Variants in PUS10 observed in about 807,000 individuals in gnomAD.
PUS10 encodes pseudouridine synthase 10, also known as tRNA pseudouridine synthase Pus10.
Under a neutral mutation model 75.0 loss-of-function variants are expected in PUS10, and 59 were observed. The observed-to-expected ratio is 0.79, with a 90% CI of 0.64 to 0.98. PUS10 has a LOEUF of 0.98. Among genes scored for constraint, PUS10 ranks in the 50% least tolerant of loss-of-function variants. The probability of loss-of-function intolerance (pLI) is 0.00; values close to 1 mark genes in which losing one functional copy is unlikely to be tolerated. For synonymous variants in PUS10, 219 were observed against 211.6 expected (o/e 1.03, Z -0.30); for missense variants, 650 against 614.4 (o/e 1.06, Z -0.61).
Position 60,942,354 on chromosome 2 carries a change from C to A in PUS10, c.*41G>T. On this transcript the variant is annotated 3_prime_UTR_variant, in exon 18 of 18. Transcript: ENST00000316752. The stretch of plus-strand genomic sequence containing the variant: ...GCATGTGCTCCATGGATGTCCACAT[C>A]ATGCCAGGAAAACCATACTCTTTGT... 6.3e-7 allele frequency: 1 copy of A among 1,585,538 alleles called. No homozygotes were observed. Among genetic ancestry groups the A allele is most frequent in the South Asian group, 1.1e-5 (1 of 90,486 alleles).
chr2:60,960,371 T>G, intron 11 of PUS10, 21 bp downstream of exon 11: 2 of 1,467,942 alleles, frequency 1.4e-6, no homozygotes, highest in Non-Finnish European at 9.0e-7. Flanking sequence ...GAAAGAAAAG[T>G]ATGAAGATCG....
At chr2:60,973,508 A>G (rs987905248) in intron 4 of PUS10, among the ~76,000 whole-genome samples, 1 of 152,246 alleles carries the variant, frequency 6.6e-6, no homozygotes, top group East Asian at 1.9e-4. Flanking sequence ...CACTCATGGC[A>G]GTGCTGACAC....
At position 60,941,019 on chromosome 2, in the gene PUS10, T is replaced by C. The variant is rs911718103; in HGVS notation, c.*1376A>G. ...AATCTTGGTATCTGTGATTTATGTT[T>C]AATATAGAGATGGGAAATGGTTAGT... On this transcript the variant is annotated 3_prime_UTR_variant, in exon 18 of 18. Transcript: ENST00000316752. The C allele has an allele frequency of 1.3e-5, 2 of 152,320 alleles. No individual in the cohort carries two copies. Among genetic ancestry groups the C allele is most frequent in the African/African-American group, 4.8e-5 (2 of 41,458 alleles). 9.4% of individuals were successfully genotyped at this position (152,320 alleles called of 1,614,324 possible). A position where few individuals can be genotyped will look rare whatever the true frequency, so the allele number is the denominator to read the frequency against.
Position 60,949,876 on chromosome 2 carries a change from C to T in PUS10, c.1309-1691G>A, listed in dbSNP as rs116479012. On this transcript the variant is annotated intron_variant, in intron 15 of 17. Transcript: ENST00000316752. ...CAAGCAATCCTCCTGCCTTGGCTTC[C>T]CAAAGTGTTGGGATTACAGACGTGA... Among the ~76,000 whole-genome samples, 1,215 of 152,278 alleles carry T rather than the reference C, an allele frequency of 8.0e-3. 8 individuals carry two copies. The highest frequency in any genetic ancestry group is 0.012 in the Non-Finnish European group (844 of 68,020).
At chr2:60,964,039 T>C (rs1676189855) in intron 8 of PUS10, among the ~76,000 whole-genome samples, 1 of 152,176 alleles carries the variant, frequency 6.6e-6, no homozygotes, top group African/African-American at 2.4e-5. Context: ...TCTCTTTAGT[T>C]CAGAAGGGTT....
At chr2:60,944,706 T>C (rs1272138438) in intron 17 of PUS10, among the ~76,000 whole-genome samples, 1 of 152,214 alleles carries the variant, frequency 6.6e-6, no homozygotes. Flanking sequence ...TTTAAAGTCT[T>C]TATAAAACGC....
intron 16 of PUS10, among the ~76,000 whole-genome samples, chr2:60,947,365 C>T (rs1030423688): frequency 2.6e-5 from 4 of 152,152 alleles, no homozygotes; most frequent in Non-Finnish European, 4.4e-5. Context: ...GTTGAAAAGA[C>T]CCAAATATGG....
chr2:60,960,302 C>G (rs1345602821), intron 11 of PUS10, 90 bp downstream of exon 11: 4 of 985,600 alleles, frequency 4.1e-6, no homozygotes, highest in Non-Finnish European at 5.6e-6. Context: ...TGTGATCGTG[C>G]TACTGCAATC....
chr2:60,948,069 G>A lies in PUS10; in HGVS notation c.1425C>T (p.Arg475=), dbSNP rs1245256532. The change falls in exon 16 of 18, where the codon CGC becomes CGT. Residue 475 remains arginine, a synonymous_variant. Transcript: ENST00000316752. ...ETQYVDEHHF[R]LHLKTQAGTY... ...TGCCAGCCTGAGTTTTCAAGTGGAG[G>A]CGGAAGTGGTGCTCATCCACGTACT... 8 of 1,614,012 alleles carry A rather than the reference G, an allele frequency of 5.0e-6. No individual in the cohort carries two copies. In the Admixed American group the frequency reaches 5.0e-5, roughly 10 times the overall value.
chr2:60,976,362 TGAGCTATAGA>T (rs1305225896), intron 4 of PUS10, among the ~76,000 whole-genome samples: 1 of 152,250 alleles, frequency 6.6e-6, no homozygotes, highest in Admixed American at 6.5e-5. Context: ...CAATGAAATC[TGAGCTATAGA>T]GAGCTATCTG....
chr2:60,947,497 T>C (rs1260132760), intron 16 of PUS10, among the ~76,000 whole-genome samples: 1 of 152,162 alleles, frequency 6.6e-6, no homozygotes, highest in African/African-American at 2.4e-5. Context: ...AAAGCTGACA[T>C]TGAACTGACT....
intron 12 of PUS10, 123 bp downstream of exon 12, chr2:60,954,895 C>T (rs1445607996): frequency 1.8e-6 from 1 of 546,778 alleles, no homozygotes; most frequent in Non-Finnish European, 3.1e-6. Flanking sequence ...AGCTTCCTCC[C>T]TTGGAGAAGC....
At chr2:60,970,505 T>TA (rs1019463005) in intron 5 of PUS10, among the ~76,000 whole-genome samples, 1 of 152,058 alleles carries the variant, frequency 6.6e-6, no homozygotes, top group South Asian at 2.1e-4. Context: ...TCTGGAGAAT[T>TA]AAAAAAAATT....
intron 15 of PUS10, 109 bp downstream of exon 15, chr2:60,952,888 G>A: frequency 1.6e-6 from 1 of 636,220 alleles, no homozygotes; most frequent in Non-Finnish European, 2.7e-6. Flanking sequence ...AGGTCTTGCT[G>A]ACCCCAAAGC....
chr2:60,981,257 T>G (rs1160720776), intron 4 of PUS10, among the ~76,000 whole-genome samples: 4 of 151,998 alleles, frequency 2.6e-5, no homozygotes, highest in Admixed American at 6.6e-5. Context: ...CTATCAATAT[T>G]TACCATATTA....
At position 60,985,819 on chromosome 2, in the gene PUS10, C is replaced by T. The variant is rs182494631; in HGVS notation, c.469-14262G>A. On this transcript the variant is annotated intron_variant, in intron 4 of 17. Coordinates refer to ENST00000316752, the MANE Select transcript of PUS10 (RefSeq NM_144709.4). ...ACCCGGCCTTTTCTCTTTTTTATTC[C>T]TCAGTGTCTTATTTGGATGGGGCCG... Among the ~76,000 whole-genome samples the T allele has an allele frequency of 4.4e-4, 66 of 151,468 alleles. 1 individual carries two copies. The highest frequency in any genetic ancestry group is 1.9e-3 in the Admixed American group (29 of 15,162).
chr2:60,961,365 A>G (rs1434144279), intron 10 of PUS10, 98 bp downstream of exon 10: 1 of 892,704 alleles, frequency 1.1e-6, no homozygotes, highest in Non-Finnish European at 1.8e-6. Context: ...TTAGAATCTA[A>G]TAACAACAAT....
chr2:60,988,458 TG>T (rs1407473549), intron 4 of PUS10, among the ~76,000 whole-genome samples: 1 of 151,910 alleles, frequency 6.6e-6, no homozygotes, highest in Non-Finnish European at 1.5e-5. Flanking sequence ...ATCTTACAGA[TG>T]AAAAAAAAAC....
At chr2:61,000,413 T>C (rs1351316723) in intron 4 of PUS10, among the ~76,000 whole-genome samples, 1 of 152,202 alleles carries the variant, frequency 6.6e-6, no homozygotes, top group East Asian at 1.9e-4. Flanking sequence ...ACAAATTTAG[T>C]GGTTTAAAAC....
Sources: allele counts gnomAD v4.1 joint callset (sites outside exome capture counted in the v4.1 genomes callset), GRCh38; gene constraint gnomAD v4.1.1; transcripts MANE v1.5; gene names NCBI Gene and HGNC (gene_info 2026-07-23, HGNC 2026-07-21).